RBMS3: variants seen among roughly 807,000 people sequenced by gnomAD.
The protein encoded by RBMS3 is RNA-binding motif, single-stranded-interacting protein 3.
Under a neutral mutation model 66.8 loss-of-function variants are expected in RBMS3, and 27 were observed. The observed-to-expected ratio is 0.40, with a 90% CI of 0.30 to 0.56. The LOEUF (loss-of-function observed/expected upper bound fraction) is 0.56. Ranked by LOEUF, RBMS3 falls within the 20% of genes least tolerant of loss-of-function variation. The pLI is 0.40. For synonymous variants in RBMS3, 188 were observed against 183.0 expected (o/e 1.03, Z -0.22); for missense variants, 513 against 549.5 (o/e 0.93, Z 0.66).
chr3:29,914,635 T>G (rs1043572502), intron 10 of RBMS3, among the ~76,000 whole-genome samples: 3 of 151,934 alleles, frequency 2.0e-5, no homozygotes, highest in Admixed American at 6.6e-5. Context: ...ACCTATACTG[T>G]TATGGCTAAT....
intron 3 of RBMS3, among the ~76,000 whole-genome samples, chr3:29,495,340 T>C (rs1239327170): frequency 6.6e-6 from 1 of 152,022 alleles, no homozygotes; most frequent in African/African-American, 2.4e-5. Flanking sequence ...ACTTTGGAAT[T>C]CATCAATTTT....
chr3:29,993,886 T>G (rs1699042363), intron 14 of RBMS3, among the ~76,000 whole-genome samples: 2 of 152,174 alleles, frequency 1.3e-5, no homozygotes, highest in African/African-American at 4.8e-5. Context: ...ATTGTGCAAG[T>G]CAATTTCTTA....
intron 1 of RBMS3, among the ~76,000 whole-genome samples, chr3:29,418,679 G>A (rs910493922): frequency 2.0e-5 from 3 of 152,064 alleles, no homozygotes; most frequent in African/African-American, 7.2e-5. Context: ...TTCCTCTGCT[G>A]AAATAAGGAC....
intron 3 of RBMS3, among the ~76,000 whole-genome samples, chr3:29,489,081 T>A (rs986503812): frequency 6.6e-6 from 1 of 152,218 alleles, no homozygotes; most frequent in Non-Finnish European, 1.5e-5. Context: ...TATATTCTTT[T>A]AAAATTTGCA....
chr3:29,685,219 C>T (rs2051674482), intron 4 of RBMS3, among the ~76,000 whole-genome samples: 2 of 151,714 alleles, frequency 1.3e-5, no homozygotes, highest in Non-Finnish European at 2.9e-5. Flanking sequence ...CCACCACGCC[C>T]AGCTAATTTT....
At chr3:29,637,864 C>T (rs534665131) in intron 4 of RBMS3, among the ~76,000 whole-genome samples, 3 of 151,794 alleles carry the variant, frequency 2.0e-5, no homozygotes, top group Non-Finnish European at 4.4e-5. Context: ...CCTGACAACA[C>T]TCAAATTATC....
At chr3:29,835,998 G>A (rs543247318) in intron 6 of RBMS3, among the ~76,000 whole-genome samples, 1 of 151,642 alleles carries the variant, frequency 6.6e-6, no homozygotes, top group Non-Finnish European at 1.5e-5. Flanking sequence ...CAATTATATG[G>A]CAACAAATTA....
chr3:29,957,748 A>C (rs1386827618), intron 12 of RBMS3, among the ~76,000 whole-genome samples: 1 of 152,112 alleles, frequency 6.6e-6, no homozygotes, highest in Non-Finnish European at 1.5e-5. Context: ...CTCATAATTG[A>C]TTCCCCAGTG....
intron 3 of RBMS3, among the ~76,000 whole-genome samples, chr3:29,550,175 C>G (rs1256715669): frequency 6.6e-6 from 1 of 152,212 alleles, no homozygotes; most frequent in Non-Finnish European, 1.5e-5. Context: ...GGCTTTGCAG[C>G]AGTAACATTT....
At chr3:29,840,596 A>G (rs1417659437) in intron 6 of RBMS3, among the ~76,000 whole-genome samples, 2 of 152,020 alleles carry the variant, frequency 1.3e-5, no homozygotes, top group African/African-American at 4.8e-5. Context: ...AGTTTTATGG[A>G]AAAATTTTGA....
chr3:29,505,579 C>G (rs571853409), intron 3 of RBMS3, among the ~76,000 whole-genome samples: 1 of 147,268 alleles, frequency 6.8e-6, no homozygotes, highest in African/African-American at 2.5e-5. Flanking sequence ...TACTGTGGTT[C>G]CATATGAATT....
chr3:29,522,267 A>T (rs2044889473), intron 3 of RBMS3, among the ~76,000 whole-genome samples: 2 of 152,022 alleles, frequency 1.3e-5, no homozygotes, highest in African/African-American at 4.8e-5. Flanking sequence ...ATCTCGGCTC[A>T]CTGCAACCTC....
chr3:29,360,993 C>G (rs1329197824), intron 1 of RBMS3, among the ~76,000 whole-genome samples: 1 of 151,940 alleles, frequency 6.6e-6, no homozygotes, highest in Non-Finnish European at 1.5e-5. Context: ...GGTCTTGACT[C>G]TTTATCCAGG....
At chr3:29,641,705 G>A (rs1318121689) in intron 4 of RBMS3, among the ~76,000 whole-genome samples, 1 of 151,960 alleles carries the variant, frequency 6.6e-6, no homozygotes, top group Non-Finnish European at 1.5e-5. Context: ...TTTAAAAAAT[G>A]TATACTGCAC....
intron 3 of RBMS3, among the ~76,000 whole-genome samples, chr3:29,533,307 C>T (rs1358815732): frequency 6.6e-6 from 1 of 151,442 alleles, no homozygotes; most frequent in Non-Finnish European, 1.5e-5. Flanking sequence ...AACAAGAACT[C>T]ATCTCTGTGA....
chr3:29,306,857 C>G (rs1228799858), intron 1 of RBMS3, among the ~76,000 whole-genome samples: 1 of 151,810 alleles, frequency 6.6e-6, no homozygotes, highest in Non-Finnish European at 1.5e-5. Context: ...CATACACTAC[C>G]TCCTATAACT....
At chr3:29,300,587 T>C (rs1373648147) in intron 1 of RBMS3, among the ~76,000 whole-genome samples, 1 of 152,034 alleles carries the variant, frequency 6.6e-6, no homozygotes, top group Non-Finnish European at 1.5e-5. Context: ...GAAATCTGTG[T>C]ATGTGTGTAC....
intron 1 of RBMS3, among the ~76,000 whole-genome samples, chr3:29,308,881 T>C (rs535007578): frequency 1.1e-4 from 17 of 151,830 alleles, no homozygotes; most frequent in African/African-American, 4.1e-4. Context: ...TGATATATTT[T>C]ATCTGGAAGA....
chr3:29,689,290 C>A (rs2051872203), intron 4 of RBMS3, among the ~76,000 whole-genome samples: 1 of 152,128 alleles, frequency 6.6e-6, no homozygotes, highest in South Asian at 2.1e-4. Flanking sequence ...AAAAGATCTA[C>A]ATCTTTTTTC....
Sources: gnomAD v4.1 joint callset for allele counts (sites outside exome capture counted in the v4.1 genomes callset) on GRCh38, gnomAD v4.1.1 for gene constraint, MANE v1.5 for transcripts, NCBI Gene and HGNC (gene_info 2026-07-23, HGNC 2026-07-21) for gene names.